The following E2F5 variants were observed in gnomAD, a reference collection of about 807,000 sequenced individuals.
E2F5 encodes transcription factor E2F5.
In E2F5, 23 loss-of-function variants were observed where a neutral mutation model predicts 39.1. That is an observed-to-expected ratio of 0.59 (90% CI 0.42 to 0.83). The LOEUF is 0.83. Ranked by LOEUF, E2F5 falls within the 40% of genes least tolerant of loss-of-function variation. E2F5 has a pLI of 0.00. For synonymous variants in E2F5, 145 were observed against 157.8 expected (o/e 0.92, Z 0.61); for missense variants, 365 against 406.7 (o/e 0.90, Z 0.88).
chr8:85,185,212 C>T (rs1223453677), intron 1 of E2F5, among the ~76,000 whole-genome samples: 3 of 152,134 alleles, frequency 2.0e-5, no homozygotes, highest in Admixed American at 1.3e-4. Context: ...AAACACCACA[C>T]ATCTACAACC....
chr8:85,184,790 G>A (rs964255095), intron 1 of E2F5, among the ~76,000 whole-genome samples: 8 of 152,130 alleles, frequency 5.3e-5, no homozygotes, highest in Admixed American at 4.6e-4. Flanking sequence ...AAATACCTAG[G>A]AATCCAACTT....
At chr8:85,194,824 T>G (rs553117427) in intron 1 of E2F5, among the ~76,000 whole-genome samples, 1 of 151,290 alleles carries the variant, frequency 6.6e-6, no homozygotes, top group East Asian at 1.9e-4. Context: ...TGAGCCACCA[T>G]GCCTGGCCCT....
chr8:85,214,025 T>TA lies in E2F5; in HGVS notation c.*168dup, dbSNP rs1813023891. On this transcript the variant is annotated 3_prime_UTR_variant, in exon 8 of 8. Transcript: ENST00000416274. ...TCTTTACTTCACAAAACTTCAACCA[T>TA]AAAAACAAAGGGCTCTGATTGCTTT... The TA allele has an allele frequency of 1.7e-6, 1 of 598,728 alleles. No individual in the cohort carries two copies. Among genetic ancestry groups the TA allele is most frequent in the Non-Finnish European group, 2.9e-6 (1 of 341,126 alleles). 37.1% of individuals were successfully genotyped at this position (598,728 alleles called of 1,614,324 possible).
intron 1 of E2F5, among the ~76,000 whole-genome samples, chr8:85,193,440 G>A (rs1812512055): frequency 6.6e-6 from 1 of 152,112 alleles, no homozygotes; most frequent in Admixed American, 6.5e-5. Flanking sequence ...TGGAGATCAT[G>A]CCACTGCACT....
At chr8:85,191,941 G>T (rs1350334814) in intron 1 of E2F5, among the ~76,000 whole-genome samples, 1 of 152,070 alleles carries the variant, frequency 6.6e-6, no homozygotes, top group Non-Finnish European at 1.5e-5. Flanking sequence ...AGAGAAACAT[G>T]TGGGTACATT....
chr8:85,212,049 T>C (rs989563579), intron 6 of E2F5, 108 bp from the exon 7 acceptor site: 13 of 823,306 alleles, frequency 1.6e-5, no homozygotes, highest in African/African-American at 1.6e-4. Flanking sequence ...ACTAGTACTT[T>C]AAATAAATGT....
intron 1 of E2F5, among the ~76,000 whole-genome samples, chr8:85,184,775 GAATAA>G (rs1350802573): frequency 1.3e-5 from 2 of 152,134 alleles, no homozygotes; most frequent in Non-Finnish European, 2.9e-5. Context: ...GCTACTAAGA[GAATAA>G]AATACCTAGG....
chr8:85,179,456 A>G (rs1051391961), intron 1 of E2F5, among the ~76,000 whole-genome samples: 1 of 152,154 alleles, frequency 6.6e-6, no homozygotes, highest in Non-Finnish European at 1.5e-5. Context: ...GTATTTCATG[A>G]CAATAATTGC....
In E2F5 at chr8:85,177,574, G is replaced by C; in HGVS notation, c.154G>C (p.Glu52Gln). Residue 52 changes from glutamate (E) to glutamine (Q), a missense_variant, in exon 1 of 8, where the codon GAG becomes CAG. Physicochemically the swap from Glu to Gln is conservative, Grantham distance 29 (BLOSUM62 2). Transcript: ENST00000416274. ...GGAGGGSSRHEKSLGLLTTKF... is the reference protein window; with the variant it reads ...GGAGGGSSRHQKSLGLLTTKF... Reference sequence around the variant, plus strand: ...CGCCGGGGGCGGCAGCAGCAGGCACGAGAAGAGCCTGGGGCTGCTCACTAC... The same window carrying C: ...CGCCGGGGGCGGCAGCAGCAGGCACCAGAAGAGCCTGGGGCTGCTCACTAC... 2 of 1,283,504 alleles carry C rather than the reference G, an allele frequency of 1.6e-6. No individual in the cohort carries two copies. Among genetic ancestry groups the C allele is most frequent in the Non-Finnish European group, 2.0e-6 (2 of 1,012,284 alleles). The allele number at this position is 1,283,504 out of a possible 1,614,324, so 79.5% of individuals were successfully genotyped here. A position where few individuals can be genotyped will look rare whatever the true frequency, so the allele number is the denominator to read the frequency against.
At chr8:85,207,380 G>A in intron 4 of E2F5, 45 bp from the exon 5 acceptor site, 1 of 1,506,034 alleles carries the variant, frequency 6.6e-7, no homozygotes, top group Non-Finnish European at 9.0e-7. Context: ...TGTATTCCAT[G>A]ATCAACAGTA....
At chr8:85,195,045 G>A (rs538644515) in intron 1 of E2F5, among the ~76,000 whole-genome samples, 75 of 152,086 alleles carry the variant, frequency 4.9e-4, no homozygotes, top group African/African-American at 1.7e-3. Flanking sequence ...GTCTACCTCA[G>A]AGCCCATGTT....
chr8:85,210,550 G>A (rs187335106), intron 6 of E2F5, among the ~76,000 whole-genome samples: 44 of 151,978 alleles, frequency 2.9e-4, no homozygotes, highest in African/African-American at 9.2e-4. Context: ...GTGTGGCGGC[G>A]CACACCTGTA....
intron 1 of E2F5, among the ~76,000 whole-genome samples, chr8:85,185,334 C>T (rs1249089503): frequency 1.3e-5 from 2 of 152,084 alleles, no homozygotes; most frequent in Non-Finnish European, 2.9e-5. Flanking sequence ...AACTGGAGCC[C>T]TTCCTTACAC....
chr8:85,177,294 G>T lies in E2F5; in HGVS notation c.-127G>T. ...GCACACCTGTTGTTTGCAGCAGCCA[G>T]CGACCCGCACTACCGCTCTCGGCGG... On this transcript the variant is annotated 5_prime_UTR_variant, in exon 1 of 8. Transcript: ENST00000416274. The T allele has an allele frequency of 1.2e-6, 1 of 811,980 alleles. No individual in the cohort carries two copies. Among genetic ancestry groups the T allele is most frequent in the Non-Finnish European group, 1.5e-6 (1 of 671,508 alleles). 50.3% of individuals were successfully genotyped at this position (811,980 alleles called of 1,614,324 possible). A position where few individuals can be genotyped will look rare whatever the true frequency, so the allele number is the denominator to read the frequency against.
intron 3 of E2F5, among the ~76,000 whole-genome samples, chr8:85,204,789 C>G (rs541112949): frequency 6.6e-6 from 1 of 152,210 alleles, no homozygotes; most frequent in African/African-American, 2.4e-5. Flanking sequence ...CTCCTCTCTC[C>G]AGTCCATACA....
rs1454794883 is a variant in E2F5, at chr8:85,214,443, G to A, written c.*581G>A. 5.5e-6 allele frequency: 4 copies of A among 730,528 alleles called. No individual in the cohort carries two copies. In the East Asian group the frequency reaches 7.8e-5, roughly 14 times the overall value. The allele number at this position is 730,528 out of a possible 1,614,324, so 45.3% of individuals were successfully genotyped here. On this transcript the variant is annotated 3_prime_UTR_variant, in exon 8 of 8. Transcript: ENST00000416274. ...TAGGTTATAGGAAAGATCTGTTTAT[G>A]TAGTTTGTTTTTAAAATGTGCCAAT...
intron 4 of E2F5, among the ~76,000 whole-genome samples, chr8:85,206,835 C>T (rs1812811452): frequency 6.6e-6 from 1 of 152,064 alleles, no homozygotes; most frequent in African/African-American, 2.4e-5. Flanking sequence ...GTATTATCCA[C>T]CTATTTAAAA....
At chr8:85,181,238 A>G (rs1471668933) in intron 1 of E2F5, among the ~76,000 whole-genome samples, 1 of 152,214 alleles carries the variant, frequency 6.6e-6, no homozygotes, top group Non-Finnish European at 1.5e-5. Flanking sequence ...AATATTTTGG[A>G]TATCATAAAG....
intron 1 of E2F5, among the ~76,000 whole-genome samples, chr8:85,199,670 A>G (rs1375443562): frequency 6.6e-6 from 1 of 152,220 alleles, no homozygotes. Context: ...AAATCTGTAT[A>G]CACACAAACT....
Sources: gnomAD v4.1 joint callset for allele counts (sites outside exome capture counted in the v4.1 genomes callset) on GRCh38, gnomAD v4.1.1 for gene constraint, MANE v1.5 for transcripts, NCBI Gene and HGNC (gene_info 2026-07-23, HGNC 2026-07-21) for gene names.